The following RYR3 variants were observed in gnomAD, a reference collection of about 807,000 sequenced individuals.
RYR3 encodes ryanodine receptor 3.
Under a neutral mutation model 584.3 loss-of-function variants are expected in RYR3, and 207 were observed. The ratio of observed to expected loss-of-function variants is 0.35; its 90% confidence interval spans 0.32 to 0.40. RYR3 has a LOEUF of 0.40. RYR3 is among the 10% of genes least tolerant of loss of function. The pLI is 1.00. For synonymous variants in RYR3, 2,416 were observed against 2,248.5 expected, an observed-to-expected ratio of 1.07 and a Z score of -2.11; for missense variants, 5,616 against 6,089.2, an observed-to-expected ratio of 0.92 and a Z score of 2.59.
chr15:33,865,017 CTCATATAAAT>C lies in RYR3; in HGVS notation c.14518-110_14518-101del, dbSNP rs1890001216. ...GCAAGAATGAATGTGCAGGTTTGGCCTCATATAAATTCACATCAGTCTTCCTAAAGGGAGC... is the reference window on the plus strand; with the variant it reads ...GCAAGAATGAATGTGCAGGTTTGGCCTCACATCAGTCTTCCTAAAGGGAGC... On this transcript the variant is annotated intron_variant, in intron 103 of 103. Transcript: ENST00000634891. 4.2e-6 allele frequency: 3 copies of C among 715,510 alleles called. No individual in the cohort carries two copies. The Admixed American group carries it at 7.4e-5, about 18-fold the overall frequency. 44.3% of individuals were successfully genotyped at this position (715,510 alleles called of 1,614,324 possible). A position where few individuals can be genotyped will look rare whatever the true frequency, so the allele number is the denominator to read the frequency against.
rs931781270 is a variant in RYR3, at chr15:33,670,447, G to A, written c.5751G>A (p.Glu1917=). ...TTCCTTTGGAAGAAGAGGAAGAGGAGGAGGAGGACACCTCCTGGACAGGAA... is the reference window on the plus strand; with the variant it reads ...TTCCTTTGGAAGAAGAGGAAGAGGAAGAGGAGGACACCTCCTGGACAGGAA... ...CGVPLEEEEE[E]EEDTSWTGKL... The change falls in exon 38 of 104, where the codon GAG becomes GAA. Residue 1917 remains glutamate, a synonymous_variant. Coordinates refer to ENST00000634891, the MANE Select transcript of RYR3 (RefSeq NM_001036.6). 1.9e-6 allele frequency: 3 copies of A among 1,613,620 alleles called. No individual in the cohort carries two copies. The highest frequency in any genetic ancestry group is 2.2e-5 in the East Asian group (1 of 44,876).
chr15:33,376,294 A>G (rs2040733168), intron 1 of RYR3, among the ~76,000 whole-genome samples: 1 of 152,160 alleles, frequency 6.6e-6, no homozygotes. Flanking sequence ...TGAGTGTATC[A>G]GTAGTTTGTT....
At chr15:33,613,505 G>A in intron 19 of RYR3, 130 bp downstream of exon 19, 1 of 952,922 alleles carries the variant, frequency 1.0e-6, no homozygotes, top group Non-Finnish European at 1.5e-6. Context: ...GACAGTGATG[G>A]TGCAAGGGCA....
intron 38 of RYR3, among the ~76,000 whole-genome samples, chr15:33,679,505 G>A (rs1309389321): frequency 6.6e-6 from 1 of 152,276 alleles, no homozygotes; most frequent in East Asian, 1.9e-4. Flanking sequence ...TGAAGCCAAA[G>A]GCTTTCATTT....
At chr15:33,623,369 C>T (rs74377037) in intron 19 of RYR3, among the ~76,000 whole-genome samples, 1 of 152,284 alleles carries the variant, frequency 6.6e-6, no homozygotes, top group African/African-American at 2.4e-5. Flanking sequence ...CATATAGTTA[C>T]GTCATGCTTT....
chr15:33,861,027 C>A (rs141669462), intron 101 of RYR3, 51 bp from the exon 102 acceptor site: 1 of 1,315,072 alleles, frequency 7.6e-7, no homozygotes, highest in Middle Eastern at 1.8e-4. Context: ...AGTTTTCTCT[C>A]CTGCCTATAT....
At chr15:33,693,062 T>C (rs1004694442) in intron 38 of RYR3, among the ~76,000 whole-genome samples, 1 of 152,232 alleles carries the variant, frequency 6.6e-6, no homozygotes, top group Non-Finnish European at 1.5e-5. Flanking sequence ...GAGAATTGTT[T>C]TGTTAGTCGT....
chr15:33,768,824 A>G (rs1021630709), intron 61 of RYR3, 117 bp downstream of exon 61: 13 of 973,208 alleles, frequency 1.3e-5, no homozygotes, highest in Non-Finnish European at 2.2e-5. Flanking sequence ...GTGTCACCTA[A>G]ATTTGCCATA....
chr15:33,663,446 C>CT (rs1369753189), intron 35 of RYR3, 91 bp from the exon 36 acceptor site: 1 of 1,105,788 alleles, frequency 9.0e-7, no homozygotes, highest in Admixed American at 2.1e-5. Flanking sequence ...TTTACTTTGT[C>CT]TAAGTCTCAG....
intron 18 of RYR3, among the ~76,000 whole-genome samples, chr15:33,611,562 G>GA (rs141574591): frequency 1.6e-4 from 24 of 148,580 alleles, no homozygotes; most frequent in African/African-American, 4.7e-4. Flanking sequence ...TCTCCAAAAA[G>GA]AAAAAAAAAT....
At chr15:33,603,500 A>C in intron 18 of RYR3, 136 bp downstream of exon 18, 1 of 956,878 alleles carries the variant, frequency 1.0e-6, no homozygotes, top group South Asian at 1.7e-5. Context: ...GGTTAGGTGG[A>C]AAAGAGTATC....
intron 93 of RYR3, among the ~76,000 whole-genome samples, chr15:33,845,625 A>G (rs1029199704): frequency 2.3e-4 from 35 of 152,178 alleles, no homozygotes; most frequent in Admixed American, 2.1e-3. Context: ...TTCAAGTTTG[A>G]GAAGCCTTGA....
Position 33,662,761 on chromosome 15 carries a change from G to A in RYR3, c.5231G>A (p.Arg1744Gln), listed in dbSNP as rs751586086. Reference sequence around the variant, plus strand: ...GGCGTGTTTGATGATGATGATGTTCGGCAGATCCTCCTCCTGATTGATCCC... The same window carrying A: ...GGCGTGTTTGATGATGATGATGTTCAGCAGATCCTCCTCCTGATTGATCCC... The part of the protein sequence containing the change: ...VMGVFDDDDV[R>Q]QILLLIDPSV... The change falls in exon 35 of 104, where the codon CGG becomes CAG. Residue 1744 changes from arginine to glutamine, a missense_variant. By Grantham distance (43) the Arg-to-Gln change is conservative. Around this residue, in one of 9 missense-constraint regions of RYR3, gnomAD observed 753 missense variants for 741.0 expected, o/e 1.02. Coordinates refer to ENST00000634891, the MANE Select transcript of RYR3 (RefSeq NM_001036.6). 8.7e-6 allele frequency: 14 copies of A among 1,614,012 alleles called. No homozygotes were observed. The East Asian group carries it at 1.3e-4, about 15-fold the overall frequency.
In RYR3 at chr15:33,336,467, AG is replaced by A. The variant is rs1567046768; in HGVS notation, c.51+25372del. 1.3e-3 allele frequency among the ~76,000 whole-genome samples: 48 copies of A among 38,208 alleles called. 14 individuals are homozygous for A. Among genetic ancestry groups the A allele is most frequent in the African/African-American group, 9.2e-3 (37 of 4,032 alleles). The allele number at this position is 38,208 out of a possible 152,430, so 25.1% of individuals were successfully genotyped here. A position where few individuals can be genotyped will look rare whatever the true frequency, so the allele number is the denominator to read the frequency against. ...GAGAGAGAGAGAGAGAGAGAGAGAG[AG>A]AGAGAGAGAGAGAGAGAGAAAGAAA... On this transcript the variant is annotated intron_variant, in intron 1 of 103. Coordinates refer to ENST00000634891, the MANE Select transcript of RYR3 (RefSeq NM_001036.6).
intron 1 of RYR3, among the ~76,000 whole-genome samples, chr15:33,396,158 C>G (rs965044725): frequency 6.6e-6 from 1 of 152,090 alleles, no homozygotes; most frequent in Non-Finnish European, 1.5e-5. Context: ...ATTCAGGGGC[C>G]GGCCCACTTG....
At chr15:33,834,889 G>A in intron 86 of RYR3, 79 bp from the exon 87 acceptor site, 1 of 970,688 alleles carries the variant, frequency 1.0e-6, no homozygotes, top group Non-Finnish European at 1.6e-6. Flanking sequence ...ATATAAGTAG[G>A]TATCAGATGC....
intron 61 of RYR3, 92 bp downstream of exon 61, chr15:33,768,799 G>C: frequency 7.9e-7 from 1 of 1,266,900 alleles, no homozygotes. Flanking sequence ...AGACAACCCG[G>C]GCCTTGGGAC....
At chr15:33,663,773 T>G (rs1415967275) in intron 36 of RYR3, 36 bp downstream of exon 36, 1 of 1,542,778 alleles carries the variant, frequency 6.5e-7, no homozygotes, top group Non-Finnish European at 8.8e-7. Flanking sequence ...CCAGTTCCTA[T>G]GGAAGAACTT....
chr15:33,419,459 C>T (rs1406613391), intron 1 of RYR3, among the ~76,000 whole-genome samples: 2 of 152,108 alleles, frequency 1.3e-5, no homozygotes, highest in Non-Finnish European at 2.9e-5. Context: ...TCTGTTGCCT[C>T]TAATCGTAAA....
Sources: gnomAD v4.1 joint callset for allele counts (sites outside exome capture counted in the v4.1 genomes callset) on GRCh38, gnomAD v4.1.1 for gene constraint, gnomAD v4.1.1 regional missense constraint, MANE v1.5 for transcripts, NCBI Gene and HGNC (gene_info 2026-07-23, HGNC 2026-07-21) for gene names.